ESRRG: variants seen among roughly 807,000 people sequenced by gnomAD.
The protein encoded by ESRRG is estrogen related receptor gamma, also known as estrogen-related receptor gamma.
A neutral mutation model predicts 44.0 loss-of-function variants in ESRRG; 13 were observed. The ratio of observed to expected loss-of-function variants is 0.30; its 90% CI spans 0.19 to 0.47. The LOEUF (loss-of-function observed/expected upper bound fraction) is 0.47, where lower values mean the gene tolerates loss of function less well. Ranked by LOEUF, ESRRG falls within the 20% of genes least tolerant of loss-of-function variation. The probability of loss-of-function intolerance (pLI) is 1.00; values close to 1 mark genes in which losing one functional copy is unlikely to be tolerated. For synonymous variants in ESRRG, 215 were observed against 214.6 expected (o/e 1.00, Z -0.02); for missense variants, 395 against 580.6 (o/e 0.68, Z 3.29).
intron 2 of ESRRG, among the ~76,000 whole-genome samples, chr1:216,834,633 C>T (rs949273320): frequency 6.6e-6 from 1 of 152,050 alleles, no homozygotes; most frequent in Non-Finnish European, 1.5e-5. Flanking sequence ...TGTCTTTGAC[C>T]AGCATCTTGA....
chr1:216,604,742 C>A (rs1384177145), intron 3 of ESRRG, among the ~76,000 whole-genome samples: 1 of 152,196 alleles, frequency 6.6e-6, no homozygotes, highest in Non-Finnish European at 1.5e-5. Context: ...AGCATTCACG[C>A]CCTAACCACC....
intron 2 of ESRRG, among the ~76,000 whole-genome samples, chr1:216,849,691 A>G (rs1188527112): frequency 6.6e-6 from 1 of 152,132 alleles, no homozygotes; most frequent in Non-Finnish European, 1.5e-5. Context: ...ACAGATTAAT[A>G]AGAAAATAAA....
At chr1:217,084,444 T>G (rs1054605340) in intron 1 of ESRRG, among the ~76,000 whole-genome samples, 10 of 147,256 alleles carry the variant, frequency 6.8e-5, no homozygotes, top group Non-Finnish European at 1.4e-4. Flanking sequence ...AAAATCAGAC[T>G]TATTAATCTA....
chr1:217,116,128 A>G (rs1006060100), intron 1 of ESRRG, among the ~76,000 whole-genome samples: 2 of 152,216 alleles, frequency 1.3e-5, no homozygotes, highest in South Asian at 2.1e-4. Flanking sequence ...TCAGCCTGTT[A>G]ACATGTCTGG....
chr1:216,641,646 T>A (rs2066452501), intron 3 of ESRRG, among the ~76,000 whole-genome samples: 1 of 152,256 alleles, frequency 6.6e-6, no homozygotes, highest in East Asian at 1.9e-4. Flanking sequence ...TTTTTCTTTA[T>A]GTTCCAATTT....
intron 2 of ESRRG, among the ~76,000 whole-genome samples, chr1:216,779,549 T>C (rs1162643424): frequency 1.0e-5 from 1 of 95,416 alleles, no homozygotes; most frequent in Non-Finnish European, 2.0e-5. Flanking sequence ...TTTATATATA[T>C]AATTATATAT....
chr1:216,634,434 AG>A (rs2064879578), intron 3 of ESRRG, among the ~76,000 whole-genome samples: 2 of 151,988 alleles, frequency 1.3e-5, no homozygotes, highest in African/African-American at 4.8e-5. Context: ...CACCACTATG[AG>A]AGAATTTTTG....
chr1:216,728,413 T>C (rs916592544), upstream of ESRRG, among the ~76,000 whole-genome samples: 1 of 151,676 alleles, frequency 6.6e-6, no homozygotes, highest in African/African-American at 2.4e-5. Flanking sequence ...GAGGACAAAA[T>C]CCCTGTTTTT....
At chr1:217,064,057 C>T (rs1018842462) in intron 1 of ESRRG, among the ~76,000 whole-genome samples, 5 of 144,510 alleles carry the variant, frequency 3.5e-5, no homozygotes, top group African/African-American at 9.8e-5. Flanking sequence ...TATACACACC[C>T]TATATACATA....
chr1:216,821,046 G>C (rs1159869659), intron 2 of ESRRG, among the ~76,000 whole-genome samples: 1 of 152,150 alleles, frequency 6.6e-6, no homozygotes, highest in African/African-American at 2.4e-5. Flanking sequence ...TAGTTTTATA[G>C]ATTCAGCTGC....
At chr1:216,633,883 G>T (rs2064751982) in intron 3 of ESRRG, among the ~76,000 whole-genome samples, 1 of 152,194 alleles carries the variant, frequency 6.6e-6, no homozygotes, top group Admixed American at 6.5e-5. Context: ...ACTGCTTTGA[G>T]ATCAATCTTC....
intron 1 of ESRRG, among the ~76,000 whole-genome samples, chr1:217,077,197 T>C (rs2091381930): frequency 6.6e-6 from 1 of 152,206 alleles, no homozygotes; most frequent in East Asian, 1.9e-4. Flanking sequence ...ACTAGTTAAA[T>C]GGAATGCAGC....
chr1:217,083,961 C>T (rs563741815), intron 1 of ESRRG, among the ~76,000 whole-genome samples: 1 of 152,154 alleles, frequency 6.6e-6, no homozygotes, highest in South Asian at 2.1e-4. Context: ...TTACATTTTC[C>T]TCAAGAACAC....
At chr1:217,011,560 T>C (rs2078619896) in intron 1 of ESRRG, among the ~76,000 whole-genome samples, 1 of 152,142 alleles carries the variant, frequency 6.6e-6, no homozygotes, top group South Asian at 2.1e-4. Flanking sequence ...CTAGATAATC[T>C]CCCAAGGAAA....
At chr1:216,854,072 G>A (rs1485670314) in intron 2 of ESRRG, among the ~76,000 whole-genome samples, 1 of 152,074 alleles carries the variant, frequency 6.6e-6, no homozygotes, top group Non-Finnish European at 1.5e-5. Flanking sequence ...AAGCTCCCTA[G>A]ATGTGGCAGG....
chr1:217,057,429 C>T (rs2087360371), intron 1 of ESRRG, among the ~76,000 whole-genome samples: 1 of 152,016 alleles, frequency 6.6e-6, no homozygotes, highest in South Asian at 2.1e-4. Context: ...AGCAGAATAG[C>T]ATCTTATAAA....
At chr1:216,571,903 A>G (rs1984137) in intron 3 of ESRRG, among the ~76,000 whole-genome samples, 51,262 of 152,072 alleles carry the variant, frequency 0.34, 10,188 homozygotes, top group Middle Eastern at 0.46. Flanking sequence ...TCCACATGCA[A>G]TATTATACTC....
chr1:217,025,889 T>C (rs1475187237), intron 1 of ESRRG, among the ~76,000 whole-genome samples: 1 of 152,210 alleles, frequency 6.6e-6, no homozygotes, highest in Non-Finnish European at 1.5e-5. Context: ...TGGTAAGTCA[T>C]TTTCATTTGG....
At chr1:216,756,598 T>C (rs2092460513) in intron 2 of ESRRG, among the ~76,000 whole-genome samples, 1 of 152,002 alleles carries the variant, frequency 6.6e-6, no homozygotes, top group Non-Finnish European at 1.5e-5. Context: ...GATAGCTCAT[T>C]CTAGCTACTT....
Sources: gnomAD v4.1 joint callset for allele counts (sites outside exome capture counted in the v4.1 genomes callset) on GRCh38, gnomAD v4.1.1 for gene constraint, MANE v1.5 for transcripts, NCBI Gene and HGNC (gene_info 2026-07-23, HGNC 2026-07-21) for gene names.